Variants in H3-7 observed in about 807,000 individuals in gnomAD.
H3-7 encodes the protein histone H3-7.
At chr1:143,905,818 CGCAGAGCCACGGTGCCGG>C in the H3-7 span, 1 of 1,582,234 alleles carries the variant, frequency 6.3e-7, no homozygotes, top group Non-Finnish European at 8.7e-7. Context: ...CCGGATCTCC[CGCAGAGCCACGGTGCCGG>C]GCCGGTAGCG....
the H3-7 span, among the ~76,000 whole-genome samples, chr1:143,902,829 C>A: frequency 5.5e-5 from 8 of 146,396 alleles, 1 homozygote; most frequent in African/African-American, 2.0e-4. Flanking sequence ...AAAAACCAAC[C>A]ACCTCGTCAG....
At chr1:143,905,616 G>A in the H3-7 span, 21 of 1,582,578 alleles carry the variant, frequency 1.3e-5, 2 homozygotes, top group Middle Eastern at 1.7e-4. Context: ...TGATGGTCAC[G>A]CGCTTGGCAT....
chr1:143,905,837 G>A, the H3-7 span: 3 of 1,582,012 alleles, frequency 1.9e-6, no homozygotes, highest in Non-Finnish European at 2.6e-6. Flanking sequence ...ACGGTGCCGG[G>A]CCGGTAGCGG....
At chr1:143,905,782 A>G in the H3-7 span, 4 of 1,582,176 alleles carry the variant, frequency 2.5e-6, 1 homozygote, top group Non-Finnish European at 3.5e-6. Context: ...CTTGCGGATC[A>G]GCAGCTCCGT....
At chr1:143,905,626 T>G in the H3-7 span, 4 of 1,582,750 alleles carry the variant, frequency 2.5e-6, no homozygotes, top group South Asian at 4.5e-5. Context: ...GCGCTTGGCA[T>G]GGATGGCGCA....
chr1:143,905,722 T>G, the H3-7 span: 2 of 1,582,272 alleles, frequency 1.3e-6, no homozygotes, highest in Non-Finnish European at 1.7e-6. Flanking sequence ...GAAGCGCAGG[T>G]CCGTCTTAAA....
the H3-7 span, chr1:143,904,451 G>A: frequency 1.5e-5 from 24 of 1,590,172 alleles, 1 homozygote; most frequent in African/African-American, 6.7e-5. Flanking sequence ...TGCCGGTGTC[G>A]GGGTGGACCT....
the H3-7 span, among the ~76,000 whole-genome samples, chr1:143,903,196 A>G: frequency 6.6e-5 from 9 of 135,572 alleles, no homozygotes; most frequent in Non-Finnish European, 1.3e-4. Context: ...CGTCTCAAAA[A>G]AAAAAAAAAA....
the H3-7 span, chr1:143,904,390 C>A: frequency 6.3e-7 from 1 of 1,582,848 alleles, no homozygotes; most frequent in Non-Finnish European, 8.7e-7. Flanking sequence ...GCGATGCGCT[C>A]GAAGATGTCG....
chr1:143,902,451 C>A, the H3-7 span, among the ~76,000 whole-genome samples: 1 of 144,468 alleles, frequency 6.9e-6, no homozygotes, highest in Non-Finnish European at 1.5e-5. Context: ...TAGTAAAATT[C>A]ATTTTAAGCA....
the H3-7 span, among the ~76,000 whole-genome samples, chr1:143,905,023 TC>T: frequency 8.0e-6 from 1 of 125,652 alleles, no homozygotes; most frequent in African/African-American, 2.9e-5. Flanking sequence ...GAAATTTTTT[TC>T]TCTTCCTTGA....
chr1:143,905,490 C>T, the H3-7 span: 1 of 1,168,168 alleles, frequency 8.6e-7, no homozygotes, highest in Non-Finnish European at 1.2e-6. Flanking sequence ...GCCGGTACAG[C>T]TGCTCTTGAT....
chr1:143,905,717 G>C, the H3-7 span: 9 of 1,582,358 alleles, frequency 5.7e-6, no homozygotes, highest in African/African-American at 9.4e-5. Flanking sequence ...CTCTGGAAGC[G>C]CAGGTCCGTC....
the H3-7 span, among the ~76,000 whole-genome samples, chr1:143,903,206 AAAC>A: frequency 7.4e-6 from 1 of 135,614 alleles, no homozygotes; most frequent in Non-Finnish European, 1.6e-5. Flanking sequence ...AAAAAAAAAA[AAAC>A]AAGCGCAAAG....
At chr1:143,904,286 C>T in the H3-7 span, 3 of 1,586,162 alleles carry the variant, frequency 1.9e-6, no homozygotes, top group Non-Finnish European at 2.6e-6. Context: ...GCTTGGCCAG[C>T]TCGCCGGGCA....
chr1:143,905,350 G>A, the H3-7 span: 2 of 544,534 alleles, frequency 3.7e-6, no homozygotes, highest in South Asian at 2.4e-5. Context: ...GGAACCACAA[G>A]GACCATGCCT....
the H3-7 span, among the ~76,000 whole-genome samples, chr1:143,902,409 G>A: frequency 7.5e-5 from 11 of 146,320 alleles, 2 homozygotes; most frequent in East Asian, 2.2e-3. Flanking sequence ...CTTTTAATTG[G>A]GTGTAAATTT....
the H3-7 span, chr1:143,905,549 A>G: frequency 1.9e-6 from 3 of 1,567,894 alleles, no homozygotes; most frequent in Non-Finnish European, 2.6e-6. Flanking sequence ...CCACTTAAAA[A>G]TATACCTTAG....
At chr1:143,904,396 T>C in the H3-7 span, 5 of 1,582,932 alleles carry the variant, frequency 3.2e-6, 1 homozygote, top group Middle Eastern at 3.3e-4. Context: ...CGCTCGAAGA[T>C]GTCGTTGACG....
Sources: gnomAD v4.1 joint callset for allele counts (sites outside exome capture counted in the v4.1 genomes callset) on GRCh38, gnomAD v4.1.1 for gene constraint, MANE v1.5 for transcripts, NCBI Gene and HGNC (gene_info 2026-07-23, HGNC 2026-07-21) for gene names.